The following MTHFS variants were observed in gnomAD, a reference collection of about 807,000 sequenced individuals.
MTHFS encodes methenyltetrahydrofolate synthetase, also known as 5-formyltetrahydrofolate cyclo-ligase.
Under a neutral mutation model 12.7 loss-of-function variants are expected in MTHFS, and 7 were observed. The ratio of observed to expected loss-of-function variants is 0.55; its 90% CI spans 0.31 to 1.03. The LOEUF (loss-of-function observed/expected upper bound fraction) is 1.03, where lower values mean the gene tolerates loss of function less well. MTHFS is among the 50% of genes least tolerant of loss of function. MTHFS has a pLI of 0.05. For missense variants in MTHFS, 252 were observed against 258.1 expected, an observed-to-expected ratio of 0.98 and a Z score of 0.16; for synonymous variants, 100 against 97.1, an observed-to-expected ratio of 1.03 and a Z score of -0.18.
At chr15:79,866,450 G>C (rs552632877) in intron 2 of MTHFS, among the ~76,000 whole-genome samples, 1 of 152,130 alleles carries the variant, frequency 6.6e-6, no homozygotes, top group South Asian at 2.1e-4. Context: ...ATCTTGTTGA[G>C]AGTTAGGATC....
At chr15:79,894,173 G>A (rs894997920) in intron 1 of MTHFS, among the ~76,000 whole-genome samples, 5 of 152,126 alleles carry the variant, frequency 3.3e-5, no homozygotes, top group Non-Finnish European at 5.9e-5. Context: ...TCACGAGGTC[G>A]AGTTCGAGAC....
Position 79,882,034 on chromosome 15 carries a change from G to A in MTHFS, c.379+7059C>T, listed in dbSNP as rs573537340. On this transcript the variant is annotated intron_variant, in intron 2 of 2. Coordinates refer to ENST00000258874, the MANE Select transcript of MTHFS (RefSeq NM_006441.4). ...CCAAAATGCCTACAATGGCATGTGCGATGTGCAAAAGCACATTCCAAAATT... is the reference window on the plus strand; with the variant it reads ...CCAAAATGCCTACAATGGCATGTGCAATGTGCAAAAGCACATTCCAAAATT... 7.2e-5 allele frequency among the ~76,000 whole-genome samples: 11 copies of A among 152,334 alleles called. 1 individual carries two copies. In the South Asian group the frequency reaches 1.7e-3, roughly 23 times the overall value.
intron 2 of MTHFS, among the ~76,000 whole-genome samples, chr15:79,859,343 A>G (rs2033868523): frequency 1.3e-5 from 2 of 152,266 alleles, no homozygotes; most frequent in Admixed American, 6.5e-5. Context: ...TTATACATCT[A>G]TATTCATCAA....
chr15:79,881,678 T>C (rs1033041893), intron 2 of MTHFS, among the ~76,000 whole-genome samples: 1 of 152,170 alleles, frequency 6.6e-6, no homozygotes, highest in African/African-American at 2.4e-5. Context: ...TTCCCATGCA[T>C]ACAGTTACCA....
chr15:79,879,159 T>TTC (rs2034252349), intron 2 of MTHFS, among the ~76,000 whole-genome samples: 1 of 152,112 alleles, frequency 6.6e-6, no homozygotes, highest in Admixed American at 6.5e-5. Context: ...TATCATCCAT[T>TTC]AGTGGAATTT....
intron 2 of MTHFS, among the ~76,000 whole-genome samples, chr15:79,872,302 T>G (rs762381471): frequency 2.0e-5 from 3 of 152,196 alleles, no homozygotes; most frequent in Non-Finnish European, 4.4e-5. Flanking sequence ...GATCTAATTC[T>G]GTAACATTAC....
chr15:79,853,130 G>A (rs2033743928), intron 2 of MTHFS, among the ~76,000 whole-genome samples: 1 of 152,128 alleles, frequency 6.6e-6, no homozygotes, highest in Non-Finnish European at 1.5e-5. Context: ...GATATCTCAG[G>A]AAGGATACGA....
chr15:79,865,310 C>A (rs921785700), intron 2 of MTHFS, among the ~76,000 whole-genome samples: 1 of 152,060 alleles, frequency 6.6e-6, no homozygotes, highest in Middle Eastern at 3.4e-3. Context: ...GTGAAATGAA[C>A]AAAGGAAAAC....
intron 2 of MTHFS, 86 bp from the exon 3 acceptor site, chr15:79,845,528 A>G (rs2033597057): frequency 4.0e-6 from 6 of 1,487,998 alleles, no homozygotes; most frequent in Non-Finnish European, 5.4e-6. Context: ...TAATGACATC[A>G]ATTCTTTCTC....
chr15:79,881,756 T>C (rs1188323766), intron 2 of MTHFS, among the ~76,000 whole-genome samples: 7 of 152,154 alleles, frequency 4.6e-5, no homozygotes, highest in African/African-American at 1.7e-4. Context: ...ATCTAGGTAG[T>C]AAAGCAATAT....
intron 2 of MTHFS, among the ~76,000 whole-genome samples, chr15:79,862,252 C>T (rs376141774): frequency 2.6e-5 from 4 of 152,244 alleles, no homozygotes; most frequent in African/African-American, 9.6e-5. Context: ...CTTCCCACCC[C>T]CAAAAAACTA....
chr15:79,885,719 G>A (rs1257709511), intron 2 of MTHFS, among the ~76,000 whole-genome samples: 5 of 152,292 alleles, frequency 3.3e-5, no homozygotes, highest in East Asian at 1.9e-4. Flanking sequence ...GGACTTTATC[G>A]GACTGTTAGA....
At chr15:79,848,469 CTT>C (rs1286456678) in intron 2 of MTHFS, among the ~76,000 whole-genome samples, 1 of 152,150 alleles carries the variant, frequency 6.6e-6, no homozygotes, top group Non-Finnish European at 1.5e-5. Context: ...ACACTTACAA[CTT>C]TTAGGAGGGT....
chr15:79,856,084 G>C (rs1398713225), intron 2 of MTHFS, among the ~76,000 whole-genome samples: 2 of 152,106 alleles, frequency 1.3e-5, no homozygotes, highest in Non-Finnish European at 2.9e-5. Flanking sequence ...TTCTTTGTGG[G>C]ATCATCACGT....
intron 2 of MTHFS, among the ~76,000 whole-genome samples, chr15:79,857,542 G>C (rs1310406501): frequency 6.6e-6 from 1 of 152,126 alleles, no homozygotes; most frequent in Non-Finnish European, 1.5e-5. Context: ...TATGAGCCTT[G>C]TGCCATCTAG....
chr15:79,875,789 A>G (rs1055878805), intron 2 of MTHFS: 2 of 152,186 alleles, frequency 1.3e-5, no homozygotes, highest in African/African-American at 2.4e-5. Flanking sequence ...ACACAATGGG[A>G]GAAATATTTG....
At position 79,892,806 on chromosome 15, in the gene MTHFS, C is replaced by T. The variant is rs145377048; in HGVS notation, c.118-3452G>A. Among the ~76,000 whole-genome samples, 658 of 152,090 alleles carry T rather than the reference C, an allele frequency of 4.3e-3. 1 individual carries two copies. The highest frequency in any genetic ancestry group is 0.014 in the African/African-American group (590 of 41,486). ...TCTCTACTAAAAATACAAAAACTAGCTGGGCATAGTGGCGCGCACCTGTAG... is the reference window on the plus strand; with the variant it reads ...TCTCTACTAAAAATACAAAAACTAGTTGGGCATAGTGGCGCGCACCTGTAG... On this transcript the variant is annotated intron_variant, in intron 1 of 2. Transcript: ENST00000258874.
intron 1 of MTHFS, among the ~76,000 whole-genome samples, chr15:79,895,713 GA>G (rs2034556195): frequency 6.6e-6 from 1 of 152,238 alleles, no homozygotes; most frequent in African/African-American, 2.4e-5. Context: ...TAGATGAAGA[GA>G]GGGGTGAAAT....
intron 1 of MTHFS, among the ~76,000 whole-genome samples, chr15:79,892,262 G>A (rs980881845): frequency 2.6e-5 from 4 of 152,168 alleles, no homozygotes; most frequent in Non-Finnish European, 2.9e-5. Flanking sequence ...GTGGAGTAAG[G>A]AGGAACCCCA....
Sources: gnomAD v4.1 joint callset for allele counts (sites outside exome capture counted in the v4.1 genomes callset) on GRCh38, gnomAD v4.1.1 for gene constraint, MANE v1.5 for transcripts, NCBI Gene and HGNC (gene_info 2026-07-23, HGNC 2026-07-21) for gene names.